CDH12: variants seen among roughly 807,000 people sequenced by gnomAD.
CDH12 encodes cadherin-12.
Under a neutral mutation model 74.1 loss-of-function variants are expected in CDH12, and 41 were observed. That is an observed-to-expected ratio of 0.55 (90% CI 0.43 to 0.72). The LOEUF is 0.72. CDH12 is among the 30% of genes least tolerant of loss of function. The pLI is 0.00. For missense variants in CDH12, 945 were observed against 977.2 expected, an observed-to-expected ratio of 0.97 and a Z score of 0.44; for synonymous variants, 399 against 355.0, an observed-to-expected ratio of 1.12 and a Z score of -1.39.
intron 1 of CDH12, among the ~76,000 whole-genome samples, chr5:22,544,798 C>G (rs1738245606): frequency 6.6e-6 from 1 of 151,060 alleles, no homozygotes; most frequent in African/African-American, 2.4e-5. Flanking sequence ...GCCTGGGTGA[C>G]AGAGTGAGAC....
chr5:22,400,379 C>T (rs1742677496), intron 3 of CDH12, among the ~76,000 whole-genome samples: 1 of 151,832 alleles, frequency 6.6e-6, no homozygotes, highest in East Asian at 1.9e-4. Flanking sequence ...TAGATTAGGG[C>T]TTTAGAATAT....
chr5:22,102,386 T>C (rs1744185478), intron 4 of CDH12, among the ~76,000 whole-genome samples: 1 of 152,134 alleles, frequency 6.6e-6, no homozygotes, highest in African/African-American at 2.4e-5. Flanking sequence ...CGTAATCCCC[T>C]GGCAGGGCAC....
chr5:22,831,748 A>T (rs536689255), intron 1 of CDH12, among the ~76,000 whole-genome samples: 6 of 152,080 alleles, frequency 3.9e-5, no homozygotes, highest in South Asian at 2.1e-4. Flanking sequence ...TACAAAAAAA[A>T]TTAGCTGGGC....
chr5:21,984,792 T>C (rs1267291303), intron 5 of CDH12, among the ~76,000 whole-genome samples: 2 of 152,214 alleles, frequency 1.3e-5, no homozygotes, highest in Non-Finnish European at 2.9e-5. Context: ...AAAATCTATA[T>C]TCTCAAAATC....
chr5:22,810,929 GTA>G (rs1270009577), intron 1 of CDH12, among the ~76,000 whole-genome samples: 4 of 144,414 alleles, frequency 2.8e-5, no homozygotes, highest in Admixed American at 6.8e-5. Flanking sequence ...GTGTGTGTGT[GTA>G]TACACATATA....
intron 3 of CDH12, among the ~76,000 whole-genome samples, chr5:22,313,099 C>A (rs1179535027): frequency 6.6e-6 from 1 of 152,118 alleles, no homozygotes; most frequent in Non-Finnish European, 1.5e-5. Flanking sequence ...GTGGTGAAAA[C>A]AAAACAGTTT....
At chr5:22,314,941 CTTTTTTT>C (rs759734847) in intron 3 of CDH12, among the ~76,000 whole-genome samples, 11 of 67,760 alleles carry the variant, frequency 1.6e-4, no homozygotes, top group African/African-American at 4.7e-4. Flanking sequence ...CTGGGTTGGT[CTTTTTTT>C]TTTTTTTTTT....
At chr5:21,766,463 G>A (rs1177865536) in intron 11 of CDH12, among the ~76,000 whole-genome samples, 4 of 151,828 alleles carry the variant, frequency 2.6e-5, no homozygotes, top group Non-Finnish European at 5.9e-5. Context: ...GTTTGGCCCG[G>A]TTTTCACAAG....
At chr5:22,283,795 T>C (rs545004341) in intron 3 of CDH12, among the ~76,000 whole-genome samples, 10 of 152,236 alleles carry the variant, frequency 6.6e-5, no homozygotes, top group African/African-American at 2.4e-4. Context: ...AACATAACTC[T>C]GCAAGGCGAT....
At chr5:21,839,979 T>C (rs16888321) in intron 8 of CDH12, among the ~76,000 whole-genome samples, 10,149 of 152,222 alleles carry the variant, frequency 0.067, 409 homozygotes, top group East Asian at 0.14. Flanking sequence ...CACAGAGTTA[T>C]AGAGAAGACA....
intron 4 of CDH12, among the ~76,000 whole-genome samples, chr5:22,112,256 C>G (rs541177563): frequency 6.6e-6 from 1 of 152,156 alleles, no homozygotes; most frequent in South Asian, 2.1e-4. Flanking sequence ...TGCTTTTTCC[C>G]TAGGACAAGG....
chr5:21,852,041 GA>G (rs1353984026), intron 7 of CDH12, among the ~76,000 whole-genome samples: 2 of 151,340 alleles, frequency 1.3e-5, no homozygotes, highest in African/African-American at 2.4e-5. Flanking sequence ...ATCATAAAGG[GA>G]AGCTATATGG....
chr5:22,055,779 C>T (rs1333387696), intron 5 of CDH12, among the ~76,000 whole-genome samples: 3 of 151,856 alleles, frequency 2.0e-5, no homozygotes, highest in South Asian at 2.1e-4. Flanking sequence ...CACTTCAAAA[C>T]TTACCAAATA....
intron 2 of CDH12, among the ~76,000 whole-genome samples, chr5:22,464,539 ATGTTGGAAT>A (rs978192381): frequency 3.0e-4 from 45 of 152,244 alleles, no homozygotes; most frequent in Non-Finnish European, 6.2e-4. Flanking sequence ...CTTCTGTTAA[ATGTTGGAAT>A]TCCCTATAGT....
chr5:22,037,345 A>G (rs1053400982), intron 5 of CDH12, among the ~76,000 whole-genome samples: 2 of 152,204 alleles, frequency 1.3e-5, no homozygotes, highest in Admixed American at 1.3e-4. Context: ...AGGAAATTTG[A>G]CTATGAAAAC....
At position 22,768,592 on chromosome 5, in the gene CDH12, T is replaced by C. The variant is rs117749382; in HGVS notation, c.-523+84466A>G. On this transcript the variant is annotated intron_variant, in intron 1 of 14. Coordinates refer to ENST00000382254, the MANE Select transcript of CDH12 (RefSeq NM_004061.5). Reference sequence around the variant, plus strand: ...TGGAACTCAAAACACCAATGTTTCATTAATGTGAAACAAAGAGAAGATATA... The same window carrying C: ...TGGAACTCAAAACACCAATGTTTCACTAATGTGAAACAAAGAGAAGATATA... Among the ~76,000 whole-genome samples the C allele has an allele frequency of 1.8e-4, 27 of 152,198 alleles. No individual in the cohort carries two copies. The East Asian group carries it at 4.3e-3, about 24-fold the overall frequency.
At chr5:21,888,272 T>C (rs1467500321) in intron 6 of CDH12, among the ~76,000 whole-genome samples, 2 of 152,158 alleles carry the variant, frequency 1.3e-5, no homozygotes, top group African/African-American at 4.8e-5. Flanking sequence ...TATTAAAGGG[T>C]AATTTTTTCA....
chr5:22,378,733 T>C (rs999680467), intron 3 of CDH12, among the ~76,000 whole-genome samples: 1 of 152,110 alleles, frequency 6.6e-6, no homozygotes. Flanking sequence ...AGAAACATAA[T>C]TTTGAAAATT....
chr5:22,187,640 C>T (rs1346966271), intron 4 of CDH12, among the ~76,000 whole-genome samples: 3 of 142,452 alleles, frequency 2.1e-5, no homozygotes, highest in South Asian at 2.3e-4. Context: ...TAAAGAACAT[C>T]GACCTTGAAA....
Sources: allele counts gnomAD v4.1 joint callset (sites outside exome capture counted in the v4.1 genomes callset), GRCh38; gene constraint gnomAD v4.1.1; transcripts MANE v1.5; gene names NCBI Gene and HGNC (gene_info 2026-07-23, HGNC 2026-07-21).